Variants in CFAP65 observed in about 807,000 individuals in gnomAD.
The protein encoded by CFAP65 is cilia and flagella associated protein 65, also known as cilia- and flagella-associated protein 65.
Under a neutral mutation model 208.0 loss-of-function variants are expected in CFAP65, and 155 were observed. The observed-to-expected ratio is 0.75, with a 90% CI of 0.65 to 0.85. CFAP65 has a LOEUF of 0.85. Ranked by LOEUF, CFAP65 falls within the 40% of genes least tolerant of loss-of-function variation. CFAP65 has a pLI of 0.00. For synonymous variants in CFAP65, 970 were observed against 986.3 expected, an observed-to-expected ratio of 0.98 and a Z score of 0.31; for missense variants, 2,294 against 2,451.3, an observed-to-expected ratio of 0.94 and a Z score of 1.36.
At position 219,041,422 on chromosome 2, in the gene CFAP65, C is replaced by A. The variant is rs1321342922; in HGVS notation, c.-49+66G>T. The A allele has an allele frequency of 2.6e-6, 4 of 1,520,146 alleles. No homozygotes were observed. The East Asian group carries it at 9.8e-5, about 37-fold the overall frequency. 94.2% of individuals were successfully genotyped at this position (1,520,146 alleles called of 1,614,324 possible). A position where few individuals can be genotyped will look rare whatever the true frequency, so the allele number is the denominator to read the frequency against. On this transcript the variant is annotated intron_variant, in intron 1 of 34. Coordinates refer to ENST00000341552, the MANE Select transcript of CFAP65 (RefSeq NM_194302.4). ...AGGATAGGGTCTCCCGGGACAGATA[C>A]CTTCCCTGGCCACTCGCGCCGCTCC...
chr2:219,009,259 G>T, intron 28 of CFAP65, 88 bp downstream of exon 28: 1 of 1,451,988 alleles, frequency 6.9e-7, no homozygotes, highest in Non-Finnish European at 9.7e-7. Context: ...CTTTTGCTGG[G>T]GTCTGGGGAT....
chr2:219,022,216 G>C lies in CFAP65; in HGVS notation c.2934C>G (p.His978Gln). ...SPNANPAATTHYMLRLVGVGL... is the reference protein window; with the variant it reads ...SPNANPAATTQYMLRLVGVGL... ...CAACGCCCACCAGCCGGAGCATGTAGTGGGTGGTGGCAGCGGGGTTGGCAT... is the reference window on the plus strand; with the variant it reads ...CAACGCCCACCAGCCGGAGCATGTACTGGGTGGTGGCAGCGGGGTTGGCAT... Residue 978 changes from histidine to glutamine, a missense_variant, in exon 17 of 35, where the codon CAC (histidine) becomes CAG (glutamine). His to Gln is a conservative substitution (Grantham distance 24). Around this residue, in one of 2 missense-constraint regions of CFAP65, gnomAD observed 1,427 missense variants for 1,438.7 expected, o/e 0.99. Transcript: ENST00000341552. 1 of 1,606,844 alleles carries C rather than the reference G, an allele frequency of 6.2e-7. No homozygotes were observed.
chr2:219,014,342 G>A, intron 21 of CFAP65: 1 of 253,564 alleles, frequency 3.9e-6, no homozygotes. Context: ...GGGCCACTTT[G>A]AGCTGGCCAT....
At chr2:219,016,295 T>TC (rs1946880343) in intron 21 of CFAP65, among the ~76,000 whole-genome samples, 1 of 141,208 alleles carries the variant, frequency 7.1e-6, no homozygotes, top group South Asian at 2.5e-4. Context: ...CCTCCTTTTT[T>TC]TTTTTTTTTT....
At position 219,028,228 on chromosome 2, in the gene CFAP65, C is replaced by T. The variant is rs1947782087; in HGVS notation, c.1824G>A (p.Gln608=). 1 of 1,614,076 alleles carries T rather than the reference C, an allele frequency of 6.2e-7. No individual in the cohort carries two copies. Among genetic ancestry groups the T allele is most frequent in the Non-Finnish European group, 8.5e-7 (1 of 1,179,978 alleles). ...GGATGGGAATCATGAGAGCCCCGTT[C>T]TGGTCCTGTGCCAGCTTCTTCTCCT... The part of the protein sequence containing the change: ...MLKEKKLAQD[Q]NGALMIPIQD... The change falls in exon 12 of 35, where the codon CAG becomes CAA. Residue 608 remains glutamine, a synonymous_variant. Transcript: ENST00000341552.
chr2:219,016,886 C>G (rs1946924762), intron 21 of CFAP65, among the ~76,000 whole-genome samples: 1 of 152,266 alleles, frequency 6.6e-6, no homozygotes, highest in Non-Finnish European at 1.5e-5. Context: ...TGCCCGCCTC[C>G]TCAGCCTCTT....
intron 27 of CFAP65, 47 bp downstream of exon 27, chr2:219,009,894 AT>A: frequency 6.5e-7 from 1 of 1,542,532 alleles, no homozygotes; most frequent in East Asian, 2.3e-5. Context: ...GTGGGGTTGG[AT>A]GGGTCTGGAG....
rs1340552485 is a variant in CFAP65 at position 219,003,344 on chromosome 2, G to A, written c.5556-72C>T. On this transcript the variant is annotated intron_variant, in intron 33 of 34. Transcript: ENST00000341552. This position sits in a 1 kb window ranked among gnomAD's most constrained non-coding sequence, Gnocchi z 4.4. ...CGCCTCCTCGCTCGCCTGTCCGTGC[G>A]GTACATTGTGCCGCGAGCTCTACGG... The A allele has an allele frequency of 6.9e-6, 10 of 1,453,206 alleles. No homozygotes were observed. The highest frequency in any genetic ancestry group is 5.3e-5 in the Admixed American group (2 of 38,060). 90.0% of individuals were successfully genotyped at this position (1,453,206 alleles called of 1,614,324 possible).
rs1353816444 is a variant in CFAP65, at chr2:219,013,564, A to T, written c.3801T>A (p.Asp1267Glu). ...LKYSHLFIGT[D>E]HLPVLFKVSH... is the part of the protein sequence containing the mutation. ...ACACCTTGAAGAGCACTGGGAGGTG[A>T]TCAGTACCGATGAACAGGTGGCTAG... The change falls in exon 23 of 35, where the codon GAT becomes GAA. Residue 1267 changes from aspartate to glutamate, a missense_variant. This residue lies in a region of CFAP65 where 1,427 missense variants were observed against 1,438.7 expected (regional missense o/e 0.99). Transcript: ENST00000341552. 1 of 1,600,788 alleles carries T rather than the reference A, an allele frequency of 6.2e-7. No homozygotes were observed.
rs774646966 is a variant in CFAP65, at chr2:219,028,239, C to T, written c.1813G>A (p.Ala605Thr). ...LDAMLKEKKL[A>T]QDQNGALMIP... The stretch of plus-strand genomic sequence containing the variant: ...ATGAGAGCCCCGTTCTGGTCCTGTG[C>T]CAGCTTCTTCTCCTTCAGCATGGCA... The change falls in exon 12 of 35, where the codon GCA becomes ACA. Residue 605 changes from alanine (A) to threonine (T), a missense_variant. By Grantham distance (58) the Ala-to-Thr change is moderately conservative. Transcript: ENST00000341552. 3.7e-6 allele frequency: 6 copies of T among 1,613,936 alleles called. No homozygotes were observed. The highest frequency in any genetic ancestry group is 5.1e-6 in the Non-Finnish European group (6 of 1,179,976).
intron 1 of CFAP65, among the ~76,000 whole-genome samples, chr2:219,040,919 A>G (rs1948620744): frequency 2.0e-5 from 3 of 152,166 alleles, no homozygotes; most frequent in Admixed American, 6.6e-5. Context: ...TGACGATTTC[A>G]CAAAGTCGAT....
Position 219,006,455 on chromosome 2 carries a change from G to A in CFAP65, c.4719+10C>T, listed in dbSNP as rs763007913. The A allele has an allele frequency of 5.0e-6, 8 of 1,612,946 alleles. No homozygotes were observed. Among genetic ancestry groups the A allele is most frequent in the Non-Finnish European group, 5.9e-6 (7 of 1,179,788 alleles). On this transcript the variant is annotated intron_variant, in intron 30 of 34. Transcript: ENST00000341552. ...TCCCAAGAAGATGGGCCTGGGGCTCGCCGCCTCACCTTGTACTTCCTCGCA... is the reference window on the plus strand; with the variant it reads ...TCCCAAGAAGATGGGCCTGGGGCTCACCGCCTCACCTTGTACTTCCTCGCA...
rs1265917948 is a variant in CFAP65, at chr2:219,031,898, G to A, written c.646-240C>T. On this transcript the variant is annotated intron_variant, in intron 6 of 34. Coordinates refer to ENST00000341552, the MANE Select transcript of CFAP65 (RefSeq NM_194302.4). This position sits in a 1 kb window ranked among gnomAD's most constrained non-coding sequence, Gnocchi z 5.2. ...TGGGGAGTGGCAGGAAGAGGCCAAG[G>A]AATGTAGAAGGGGTTTCTTTTCTTT... Among the ~76,000 whole-genome samples the A allele has an allele frequency of 6.6e-6, 1 of 151,852 alleles. No homozygotes were observed. Among genetic ancestry groups the A allele is most frequent in the Non-Finnish European group, 1.5e-5 (1 of 67,968 alleles).
At chr2:219,023,524 C>T in intron 15 of CFAP65, 93 bp from the exon 16 acceptor site, 1 of 936,484 alleles carries the variant, frequency 1.1e-6, no homozygotes, top group Non-Finnish European at 1.6e-6. Context: ...AGGCAGCTTT[C>T]CCCACTTGAA....
rs778431096 is a variant in CFAP65, at chr2:219,023,242, G to T, written c.2785C>A (p.Pro929Thr). ...EQHRKLLAVQ[P>T]SRGLIQPNER... ...TTGGGCTGGATTAGCCCCCTGGAGGGCTGGACAGCCAGCAGCTTTCGATGC... is the reference window on the plus strand; with the variant it reads ...TTGGGCTGGATTAGCCCCCTGGAGGTCTGGACAGCCAGCAGCTTTCGATGC... Residue 929 changes from proline (P) to threonine (T), a missense_variant, in exon 16 of 35, where the codon CCC becomes ACC. Around this residue, in one of 2 missense-constraint regions of CFAP65, gnomAD observed 1,427 missense variants for 1,438.7 expected, o/e 0.99. Coordinates refer to ENST00000341552, the MANE Select transcript of CFAP65 (RefSeq NM_194302.4). The T allele has an allele frequency of 1.5e-5, 24 of 1,612,654 alleles. No individual in the cohort carries two copies. Among genetic ancestry groups the T allele is most frequent in the Admixed American group, 1.7e-5 (1 of 59,988 alleles).
intron 4 of CFAP65, 53 bp downstream of exon 4, chr2:219,038,322 C>T (rs1419230350): frequency 1.9e-6 from 3 of 1,580,140 alleles, no homozygotes; most frequent in African/African-American, 2.7e-5. Context: ...GCCACCCATG[C>T]CCCGCCCTGG....
intron 29 of CFAP65, among the ~76,000 whole-genome samples, chr2:219,008,374 A>G (rs1946175468): frequency 6.6e-6 from 1 of 152,202 alleles, no homozygotes; most frequent in African/African-American, 2.4e-5. Context: ...AGAGCTAGAA[A>G]TCATTAACTC....
Position 219,030,173 on chromosome 2 carries a change from A to T in CFAP65, c.1197T>A (p.Asp399Glu), listed in dbSNP as rs771308786. The T allele has an allele frequency of 1.2e-6, 2 of 1,614,112 alleles. No individual in the cohort carries two copies. The highest frequency in any genetic ancestry group is 1.7e-6 in the Non-Finnish European group (2 of 1,180,002). Residue 399 changes from aspartate (D) to glutamate (E), a missense_variant, in exon 10 of 35, where the codon GAT becomes GAA. Physicochemically the swap from Asp to Glu is conservative, Grantham distance 45. Coordinates refer to ENST00000341552, the MANE Select transcript of CFAP65 (RefSeq NM_194302.4). Reference sequence around the variant, plus strand: ...AGAAGGCCTGGTCTTCGGCCAGTTCATCCGGGGAAATTTCAATCCTGAAGG... The same window carrying T: ...AGAAGGCCTGGTCTTCGGCCAGTTCTTCCGGGGAAATTTCAATCCTGAAGG... ...NAPFRIEISP[D>E]ELAEDQAFSC... is the part of the protein sequence containing the mutation.
chr2:219,032,575 G>T lies in CFAP65; in HGVS notation c.543-3C>A. 6.3e-7 allele frequency: 1 copy of T among 1,589,426 alleles called. No homozygotes were observed. The highest frequency in any genetic ancestry group is 8.6e-7 in the Non-Finnish European group (1 of 1,167,486). On this transcript the variant is annotated splice_region_variant and splice_polypyrimidine_tract_variant and intron_variant, in intron 5 of 34. Transcript: ENST00000341552. The surrounding 1 kb of genome is among the most constrained non-coding windows in gnomAD (Gnocchi z 5.5). ...AGAAGAACTTGGTCTTGGGGGGCCTGCAGGAGAGAGCCGGTGGGGAGCACC... is the reference window on the plus strand; with the variant it reads ...AGAAGAACTTGGTCTTGGGGGGCCTTCAGGAGAGAGCCGGTGGGGAGCACC...
Sources: gnomAD v4.1 joint callset for allele counts (sites outside exome capture counted in the v4.1 genomes callset) on GRCh38, gnomAD v4.1.1 for gene constraint, gnomAD v4.1.1 regional missense constraint, Gnocchi (gnomAD v3.1) non-coding constraint, MANE v1.5 for transcripts, NCBI Gene and HGNC (gene_info 2026-07-23, HGNC 2026-07-21) for gene names.